Variants in ADGRE3 observed in about 807,000 individuals in gnomAD.
The protein encoded by ADGRE3 is adhesion G protein-coupled receptor E3.
Under a neutral mutation model 80.1 loss-of-function variants are expected in ADGRE3, and 88 were observed. That is an observed-to-expected ratio of 1.10 (90% CI 0.93 to 1.31). The LOEUF is 1.31. ADGRE3 is among the 40% of genes most tolerant of loss of function. The probability of loss-of-function intolerance (pLI) is 0.00; values close to 1 mark genes in which losing one functional copy is unlikely to be tolerated. For missense variants in ADGRE3, 715 were observed against 776.5 expected, an observed-to-expected ratio of 0.92 and a Z score of 0.94; for synonymous variants, 281 against 294.8, an observed-to-expected ratio of 0.95 and a Z score of 0.48.
At chr19:14,638,930 C>G (rs1192280226) in intron 10 of ADGRE3, among the ~76,000 whole-genome samples, 1 of 152,160 alleles carries the variant, frequency 6.6e-6, no homozygotes, top group South Asian at 2.1e-4. Context: ...GTGACAGGAT[C>G]TCACTCTGTC....
At chr19:14,644,014 T>G in intron 9 of ADGRE3, 94 bp downstream of exon 9, 1 of 825,102 alleles carries the variant, frequency 1.2e-6, no homozygotes, top group Non-Finnish European at 1.6e-6. Context: ...CTCGGCCTTT[T>G]TTCAGTTTTT....
chr19:14,661,832 G>A (rs566671559), intron 4 of ADGRE3, 131 bp downstream of exon 4: 23 of 885,036 alleles, frequency 2.6e-5, no homozygotes, highest in Middle Eastern at 2.5e-4. Context: ...CCCGGGAGGC[G>A]GAGGTTTCAG....
At chr19:14,661,824 C>G (rs567074282) in intron 4 of ADGRE3, 139 bp downstream of exon 4, 2 of 800,928 alleles carry the variant, frequency 2.5e-6, no homozygotes, top group Non-Finnish European at 4.0e-6. Flanking sequence ...CGCTTGAGCC[C>G]GGGAGGCGGA....
At chr19:14,633,661 C>T (rs531908681) in intron 11 of ADGRE3, among the ~76,000 whole-genome samples, 19 of 149,144 alleles carry the variant, frequency 1.3e-4, no homozygotes, top group African/African-American at 2.0e-4. Context: ...GCCAAGATCG[C>T]GCCACCGCAC....
chr19:14,611,497 C>A, the ADGRE3 span, among the ~76,000 whole-genome samples: 1 of 151,400 alleles, frequency 6.6e-6, no homozygotes, highest in South Asian at 2.1e-4. Context: ...CCTGCCTCAG[C>A]CTCCCAAGTA....
At chr19:14,673,968 C>G (rs1972321624) in intron 1 of ADGRE3, among the ~76,000 whole-genome samples, 1 of 152,124 alleles carries the variant, frequency 6.6e-6, no homozygotes, top group South Asian at 2.1e-4. Context: ...CACTGATAAA[C>G]AAGAACATGA....
chr19:14,638,732 C>T (rs1425691104), intron 10 of ADGRE3, among the ~76,000 whole-genome samples: 1 of 152,050 alleles, frequency 6.6e-6, no homozygotes, highest in African/African-American at 2.4e-5. Flanking sequence ...CCAGAATTTA[C>T]CCCTCCTTTT....
At chr19:14,629,698 G>A (rs1409643064) in intron 14 of ADGRE3, among the ~76,000 whole-genome samples, 2 of 152,110 alleles carry the variant, frequency 1.3e-5, no homozygotes, top group African/African-American at 4.8e-5. Context: ...CAATAGACCT[G>A]TAGACCCCAG....
intron 2 of ADGRE3, among the ~76,000 whole-genome samples, chr19:14,665,936 G>GTATATATATATATATATATATATA (rs71309616): frequency 7.1e-5 from 3 of 42,088 alleles, no homozygotes; most frequent in South Asian, 8.0e-4. Flanking sequence ...ACACATATGT[G>GTATATATATATATATATATATATA]TATATATATA....
At chr19:14,620,045 C>T (rs1475236078) in intron 15 of ADGRE3, among the ~76,000 whole-genome samples, 1 of 152,158 alleles carries the variant, frequency 6.6e-6, no homozygotes, top group East Asian at 1.9e-4. Flanking sequence ...ATGCAATTTA[C>T]AAGTCAAGCT....
chr19:14,655,478 C>T (rs1971727841), intron 5 of ADGRE3, among the ~76,000 whole-genome samples: 1 of 152,094 alleles, frequency 6.6e-6, no homozygotes, highest in Non-Finnish European at 1.5e-5. Flanking sequence ...ATTTTTGAGA[C>T]AGAGTATTGC....
chr19:14,624,197 C>T (rs1017298279), intron 15 of ADGRE3, among the ~76,000 whole-genome samples: 12 of 151,670 alleles, frequency 7.9e-5, no homozygotes, highest in Admixed American at 5.9e-4. Flanking sequence ...CGGATTCAAG[C>T]GATTCTTCTG....
chr19:14,603,396 A>G, the ADGRE3 span, among the ~76,000 whole-genome samples: 1 of 152,208 alleles, frequency 6.6e-6, no homozygotes, highest in Non-Finnish European at 1.5e-5. Context: ...AAATGGGCAT[A>G]ATGATAATAC....
At chr19:14,637,969 G>T in intron 11 of ADGRE3, 136 bp downstream of exon 11, 1 of 667,228 alleles carries the variant, frequency 1.5e-6, no homozygotes, top group Non-Finnish European at 2.6e-6. Flanking sequence ...CTGCTTTGTT[G>T]GGAAAGAGGT....
At chr19:14,659,822 GAAAAAA>G (rs66908687) in intron 4 of ADGRE3, among the ~76,000 whole-genome samples, 9 of 44,840 alleles carry the variant, frequency 2.0e-4, no homozygotes, top group Admixed American at 3.5e-4. Flanking sequence ...CTCTGCCTCT[GAAAAAA>G]AAAAAAAAAA....
chr19:14,651,104 G>T lies in ADGRE3; in HGVS notation c.678C>A (p.Ile226=). 6.2e-7 allele frequency: 1 copy of T among 1,614,110 alleles called. No individual in the cohort carries two copies. Among genetic ancestry groups the T allele is most frequent in the Non-Finnish European group, 8.5e-7 (1 of 1,179,978 alleles). Residue 226 remains isoleucine, a synonymous_variant, in exon 7 of 16, where the codon ATC becomes ATA. Coordinates refer to ENST00000253673, the MANE Select transcript of ADGRE3 (RefSeq NM_032571.5). Reference sequence around the variant, plus strand: ...GCATACCTTGTGTGTCTCCCTGGATGATGTCACTGCAACGGATGTCCATTG... The same window carrying T: ...GCATACCTTGTGTGTCTCCCTGGATTATGTCACTGCAACGGATGTCCATTG... ...MNSMDIRCSD[I]IQGDTQGPSA... is the part of the protein sequence containing the mutation.
In ADGRE3 at chr19:14,619,489, A is replaced by T. The variant is rs759525814; in HGVS notation, c.1921-18T>A. On this transcript the variant is annotated intron_variant, in intron 15 of 15. Transcript: ENST00000253673. ...ACATCCCCCTATAAAAGAGGTTTAGATTAAAGGTGGATGTAAGGGTAAAAT... is the reference window on the plus strand; with the variant it reads ...ACATCCCCCTATAAAAGAGGTTTAGTTTAAAGGTGGATGTAAGGGTAAAAT... The T allele has an allele frequency of 6.3e-7, 1 of 1,578,898 alleles. No homozygotes were observed. The highest frequency in any genetic ancestry group is 8.7e-7 in the Non-Finnish European group (1 of 1,149,654).
Position 14,651,212 on chromosome 19 carries a change from GAA to G in ADGRE3, c.578-10_578-9del. ...TCGCTTGAGTTTCAATAGCTGGTAA[GAA>G]AAGCAATGGGCAGGCTTAGTGATAT... On this transcript the variant is annotated splice_polypyrimidine_tract_variant and intron_variant, in intron 6 of 15. Coordinates refer to ENST00000253673, the MANE Select transcript of ADGRE3 (RefSeq NM_032571.5). 1 of 1,614,022 alleles carries G rather than the reference GAA, an allele frequency of 6.2e-7. No homozygotes were observed. The highest frequency in any genetic ancestry group is 8.5e-7 in the Non-Finnish European group (1 of 1,179,942).
chr19:14,617,354 C>CTTTCTTTCTT (rs1568469497), downstream of ADGRE3, among the ~76,000 whole-genome samples: 1 of 82,166 alleles, frequency 1.2e-5, no homozygotes, highest in Non-Finnish European at 2.2e-5. Context: ...TTCTTTCTTT[C>CTTTCTTTCTT]TTTCTTTCTT....
Sources: gnomAD v4.1 joint callset for allele counts (sites outside exome capture counted in the v4.1 genomes callset) on GRCh38, gnomAD v4.1.1 for gene constraint, MANE v1.5 for transcripts, NCBI Gene and HGNC (gene_info 2026-07-23, HGNC 2026-07-21) for gene names.